HOOK3: variants seen among roughly 807,000 people sequenced by gnomAD.
HOOK3 encodes protein Hook homolog 3.
A neutral mutation model predicts 116.3 loss-of-function variants in HOOK3; 24 were observed. The observed-to-expected ratio is 0.21, with a 90% CI of 0.15 to 0.29. HOOK3 has a LOEUF of 0.29. Among genes scored for constraint, HOOK3 ranks in the 10% least tolerant of loss-of-function variants. HOOK3 has a pLI of 1.00. For missense variants in HOOK3, 632 were observed against 830.2 expected (o/e 0.76, Z 2.93); for synonymous variants, 275 against 283.0 (o/e 0.97, Z 0.28).
rs1412920880 is a variant in HOOK3 at position 42,901,101 on chromosome 8, C to T, written c.57+3913C>T. 2.6e-5 allele frequency among the ~76,000 whole-genome samples: 4 copies of T among 152,200 alleles called. No homozygotes were observed. The East Asian group carries it at 7.7e-4, about 29-fold the overall frequency. On this transcript the variant is annotated intron_variant, in intron 1 of 21. Coordinates refer to ENST00000307602, the MANE Select transcript of HOOK3 (RefSeq NM_032410.4). The stretch of plus-strand genomic sequence containing the variant: ...GCCTCAACCAGCTAGATGACAATAG[C>T]ACCCAACTCACAGCCAAAAATGTCT...
chr8:42,973,140 C>T, intron 11 of HOOK3, 149 bp from the exon 12 acceptor site: 1 of 742,826 alleles, frequency 1.3e-6, no homozygotes, highest in South Asian at 4.1e-5. Flanking sequence ...GTTTTTATTC[C>T]TAGTTCTCTC....
intron 5 of HOOK3, among the ~76,000 whole-genome samples, chr8:42,948,681 T>A (rs1201640308): frequency 3.9e-5 from 6 of 152,258 alleles, no homozygotes; most frequent in Non-Finnish European, 1.5e-5. Flanking sequence ...GGTTTCTCCA[T>A]AGCCTTTGAA....
chr8:42,998,608 A>G (rs1050053013), intron 16 of HOOK3, among the ~76,000 whole-genome samples: 2 of 152,116 alleles, frequency 1.3e-5, no homozygotes, highest in Admixed American at 1.3e-4. Flanking sequence ...AAAACTTGTG[A>G]ATACTAGATA....
rs993060814 is a variant in HOOK3, at chr8:43,024,697, C to T, written c.*6199C>T. The T allele has an allele frequency of 4.7e-5, 9 of 191,358 alleles. No homozygotes were observed. The highest frequency in any genetic ancestry group is 8.7e-5 in the Non-Finnish European group (8 of 91,452). The allele number at this position is 191,358 out of a possible 1,614,324, so 11.9% of individuals were successfully genotyped here. The stretch of plus-strand genomic sequence containing the variant: ...TTTAAATAATAATTGGTGTATGTTC[C>T]TTTTGTTGAAAATGTTTTATTGTCC... On this transcript the variant is annotated 3_prime_UTR_variant, in exon 22 of 22. Coordinates refer to ENST00000307602, the MANE Select transcript of HOOK3 (RefSeq NM_032410.4).
chr8:42,996,635 C>T (rs1384899391), intron 15 of HOOK3, among the ~76,000 whole-genome samples: 5 of 151,978 alleles, frequency 3.3e-5, no homozygotes, highest in Admixed American at 2.0e-4. Flanking sequence ...TTCACTGCAT[C>T]CTCTTATTTT....
At chr8:42,994,085 C>T (rs1444648864) in intron 15 of HOOK3, among the ~76,000 whole-genome samples, 3 of 152,078 alleles carry the variant, frequency 2.0e-5, no homozygotes, top group African/African-American at 4.8e-5. Flanking sequence ...GGCGCGATCT[C>T]GGCTCATGCA....
At chr8:42,954,349 A>G (rs1808397744) in intron 6 of HOOK3, among the ~76,000 whole-genome samples, 1 of 152,240 alleles carries the variant, frequency 6.6e-6, no homozygotes. Context: ...GTGACTTTCT[A>G]TGAACCTATC....
intron 2 of HOOK3, among the ~76,000 whole-genome samples, chr8:42,917,469 AG>A (rs1200486610): frequency 6.6e-6 from 1 of 152,148 alleles, no homozygotes; most frequent in African/African-American, 2.4e-5. Flanking sequence ...AAAGCAATAA[AG>A]GGGCCCACAA....
rs754371957 is a variant in HOOK3, at chr8:43,028,619, T to G, written c.*10121T>G. On this transcript the variant is annotated 3_prime_UTR_variant, in exon 22 of 22. Transcript: ENST00000307602. ...TGCTCTTATTAACTTGTATTATGAA[T>G]CAAATTAAGTTTTATGTATAAGGCA... 5.2e-6 allele frequency: 1 copy of G among 190,624 alleles called. No individual in the cohort carries two copies. Among genetic ancestry groups the G allele is most frequent in the Non-Finnish European group, 1.1e-5 (1 of 91,112 alleles). 11.8% of individuals were successfully genotyped at this position (190,624 alleles called of 1,614,324 possible).
At chr8:42,936,400 G>T (rs567764290) in intron 4 of HOOK3, among the ~76,000 whole-genome samples, 2 of 152,166 alleles carry the variant, frequency 1.3e-5, no homozygotes, top group South Asian at 2.1e-4. Context: ...TTGCCTGATT[G>T]CCCTGGCCAG....
At chr8:43,000,891 A>T (rs188207105) in intron 16 of HOOK3, 7 of 152,318 alleles carry the variant, frequency 4.6e-5, no homozygotes, top group Admixed American at 2.6e-4. Flanking sequence ...TCTAATCAAA[A>T]CATAAGCACA....
chr8:43,000,630 G>A (rs1809361591), intron 16 of HOOK3, among the ~76,000 whole-genome samples: 1 of 152,148 alleles, frequency 6.6e-6, no homozygotes, highest in African/African-American at 2.4e-5. Context: ...TGCAGCATAG[G>A]AAGCATAGAG....
intron 2 of HOOK3, among the ~76,000 whole-genome samples, chr8:42,920,187 C>A (rs1807629835): frequency 6.6e-6 from 1 of 152,130 alleles, no homozygotes; most frequent in South Asian, 2.1e-4. Context: ...AAGAGCTTCT[C>A]CAGTAAGATT....
At chr8:42,966,777 A>G (rs1474931053) in intron 10 of HOOK3, among the ~76,000 whole-genome samples, 164 bp downstream of exon 10, 1 of 152,156 alleles carries the variant, frequency 6.6e-6, no homozygotes, top group African/African-American at 2.4e-5. Context: ...TGCAAAATGG[A>G]AACAATACAC....
At chr8:43,005,072 A>G (rs1172122215) in intron 17 of HOOK3, among the ~76,000 whole-genome samples, 1 of 150,956 alleles carries the variant, frequency 6.6e-6, no homozygotes, top group Non-Finnish European at 1.5e-5. Context: ...AACCATGGCT[A>G]ATACATCAAC....
chr8:42,953,424 C>T (rs749018291), intron 6 of HOOK3, among the ~76,000 whole-genome samples: 18 of 151,682 alleles, frequency 1.2e-4, no homozygotes, highest in African/African-American at 1.9e-4. Flanking sequence ...ATTAGCCGGG[C>T]GTGGTGGCAC....
chr8:42,920,202 C>T (rs1236492867), intron 2 of HOOK3, among the ~76,000 whole-genome samples: 1 of 152,184 alleles, frequency 6.6e-6, no homozygotes, highest in Non-Finnish European at 1.5e-5. Flanking sequence ...AAGATTACCA[C>T]TTGTTATTTA....
At chr8:42,979,417 C>T (rs972946720) in intron 13 of HOOK3, among the ~76,000 whole-genome samples, 4 of 152,158 alleles carry the variant, frequency 2.6e-5, no homozygotes, top group African/African-American at 9.7e-5. Flanking sequence ...AGGAAAAGAA[C>T]CACACTTCGC....
chr8:43,013,530 C>G (rs1809652833), intron 21 of HOOK3, 130 bp downstream of exon 21: 1 of 678,056 alleles, frequency 1.5e-6, no homozygotes, highest in African/African-American at 1.9e-5. Context: ...CATACACTAA[C>G]AGAATCTTAA....
Sources: gnomAD v4.1 joint callset for allele counts (sites outside exome capture counted in the v4.1 genomes callset) on GRCh38, gnomAD v4.1.1 for gene constraint, MANE v1.5 for transcripts, NCBI Gene and HGNC (gene_info 2026-07-23, HGNC 2026-07-21) for gene names.